The following CPLANE1 variants were observed in gnomAD, a reference collection of about 807,000 sequenced individuals.
The protein encoded by CPLANE1 is ciliogenesis and planar polarity effector complex subunit 1.
A neutral mutation model predicts 362.5 loss-of-function variants in CPLANE1; 263 were observed. The observed-to-expected ratio is 0.73, with a 90% CI of 0.66 to 0.80. The LOEUF (loss-of-function observed/expected upper bound fraction) is 0.80. Among genes scored for constraint, CPLANE1 ranks in the 30% least tolerant of loss-of-function variants. The probability of loss-of-function intolerance (pLI) is 0.00; values close to 1 mark genes in which losing one functional copy is unlikely to be tolerated. For missense variants in CPLANE1, 3,461 were observed against 3,793.4 expected (o/e 0.91, Z 2.30); for synonymous variants, 1,212 against 1,302.6 (o/e 0.93, Z 1.50).
chr5:37,081,833 C>G, the CPLANE1 span, among the ~76,000 whole-genome samples: 1 of 151,828 alleles, frequency 6.6e-6, no homozygotes, highest in Non-Finnish European at 1.5e-5. Flanking sequence ...AGAAAATACT[C>G]AAAATACTCA....
At chr5:37,092,236 T>C in the CPLANE1 span, among the ~76,000 whole-genome samples, 4 of 152,196 alleles carry the variant, frequency 2.6e-5, no homozygotes, top group Non-Finnish European at 5.9e-5. Context: ...TGGCATACAT[T>C]GGACTAAGGT....
At chr5:37,085,552 G>A in the CPLANE1 span, 6 of 826,078 alleles carry the variant, frequency 7.3e-6, no homozygotes, top group Non-Finnish European at 1.3e-5. Flanking sequence ...TTGGAGACTG[G>A]CAAGATTACT....
Position 37,206,216 on chromosome 5 carries a change from G to T in CPLANE1, c.3130C>A (p.Arg1044Ser). ...IGVAFQLFCK[R>S]DSNFMRSKKK... ...CCATACCTCATGAAATTGCTATCAC[G>T]TTTACAGAACAGCTGGAAAGCCACA... Residue 1044 changes from arginine (R) to serine (S), a missense_variant, in exon 17 of 53, where the codon CGT becomes AGT. This residue lies in a region of CPLANE1 where 3,380 missense variants were observed against 3,666.1 expected (regional missense o/e 0.92). Coordinates refer to ENST00000651892, the MANE Select transcript of CPLANE1 (RefSeq NM_001384732.1). The T allele has an allele frequency of 1.9e-6, 3 of 1,551,344 alleles. No homozygotes were observed. Among genetic ancestry groups the T allele is most frequent in the Non-Finnish European group, 2.6e-6 (3 of 1,146,578 alleles).
chr5:37,134,701 T>C lies in CPLANE1; in HGVS notation c.8792+4019A>G, dbSNP rs1009139183. Reference sequence around the variant, plus strand: ...GCTAGCTCTGGGGTTAATTTGTTCTTGTTTTTCTAGTTCCTCTAGGCGTGA... The same window carrying C: ...GCTAGCTCTGGGGTTAATTTGTTCTCGTTTTTCTAGTTCCTCTAGGCGTGA... On this transcript the variant is annotated intron_variant, in intron 46 of 52. Transcript: ENST00000651892. Among the ~76,000 whole-genome samples the C allele has an allele frequency of 2.0e-5, 3 of 152,320 alleles. No individual in the cohort carries two copies. In the East Asian group the frequency reaches 5.8e-4, roughly 29 times the overall value.
At chr5:37,217,567 A>G (rs2150311854) in intron 15 of CPLANE1, among the ~76,000 whole-genome samples, 1 of 151,834 alleles carries the variant, frequency 6.6e-6, no homozygotes, top group Non-Finnish European at 1.5e-5. Flanking sequence ...AGACTGCGCC[A>G]TTGCACTCCA....
intron 48 of CPLANE1, 147 bp downstream of exon 48, chr5:37,122,283 T>A: frequency 1.5e-6 from 1 of 678,710 alleles, no homozygotes; most frequent in Non-Finnish European, 2.6e-6. Flanking sequence ...GTGAGTCTCA[T>A]CATTTTCCTT....
intron 15 of CPLANE1, among the ~76,000 whole-genome samples, chr5:37,213,942 G>A (rs1033362807): frequency 1.8e-4 from 27 of 151,914 alleles, no homozygotes; most frequent in Non-Finnish European, 1.3e-4. Flanking sequence ...TGAACTTCAC[G>A]GGTTTGAACT....
At chr5:37,100,211 A>C in the CPLANE1 span, among the ~76,000 whole-genome samples, 1 of 152,156 alleles carries the variant, frequency 6.6e-6, no homozygotes, top group Non-Finnish European at 1.5e-5. Context: ...GGTACTGCCT[A>C]GATTTTCTTC....
intron 8 of CPLANE1, among the ~76,000 whole-genome samples, chr5:37,235,611 C>G (rs1798806077): frequency 7.9e-6 from 1 of 127,328 alleles, no homozygotes; most frequent in Admixed American, 9.9e-5. Flanking sequence ...CTCGTTCTGT[C>G]ACCCAGGCTG....
At chr5:37,094,011 G>T in the CPLANE1 span, among the ~76,000 whole-genome samples, 70,300 of 148,100 alleles carry the variant, frequency 0.47, 18,510 homozygotes, top group African/African-American at 0.75. Flanking sequence ...GGGAGGGGTG[G>T]AGCGCTGGCA....
intron 27 of CPLANE1, 99 bp downstream of exon 27, chr5:37,180,758 C>A (rs931558133): frequency 4.4e-6 from 5 of 1,149,008 alleles, no homozygotes; most frequent in Middle Eastern, 2.0e-4. Context: ...AAAAAATGCT[C>A]ATTCCTTTAA....
intron 6 of CPLANE1, among the ~76,000 whole-genome samples, chr5:37,241,577 T>C (rs1391794493): frequency 6.6e-6 from 1 of 152,218 alleles, no homozygotes; most frequent in Non-Finnish European, 1.5e-5. Flanking sequence ...AACAATTGTA[T>C]ATATTTTTCA....
intron 46 of CPLANE1, among the ~76,000 whole-genome samples, chr5:37,127,515 ATTTT>A (rs556523898): frequency 1.5e-5 from 2 of 133,996 alleles, no homozygotes; most frequent in African/African-American, 2.8e-5. Flanking sequence ...TTTTTATTTA[ATTTT>A]TTTTTTTTTT....
At chr5:37,224,987 G>A (rs544273779) in intron 12 of CPLANE1, among the ~76,000 whole-genome samples, 10 of 126,222 alleles carry the variant, frequency 7.9e-5, no homozygotes, top group South Asian at 4.9e-4. Flanking sequence ...GTCTCACTAC[G>A]TTGCCCAGAC....
intron 25 of CPLANE1, 39 bp downstream of exon 25, chr5:37,184,749 A>C: frequency 6.4e-7 from 1 of 1,553,010 alleles, no homozygotes; most frequent in Non-Finnish European, 8.7e-7. Context: ...TACTTTTCAA[A>C]GGAAGTGAAT....
rs766961442 is a variant in CPLANE1, at chr5:37,244,466, C to T, written c.479G>A (p.Arg160Gln). The T allele has an allele frequency of 1.7e-5, 27 of 1,551,262 alleles. No homozygotes were observed. The highest frequency in any genetic ancestry group is 1.3e-4 in the South Asian group (11 of 84,032). Residue 160 changes from arginine to glutamine, a missense_variant, in exon 5 of 53, where the codon CGG (arginine) becomes CAG (glutamine). Arg to Gln is a conservative substitution (Grantham distance 43). Transcript: ENST00000651892. ...TTCTTCAGGTATGACCTGGGACCAC[C>T]GACCCGCCAATGAAAGGCTTTTAGA... ...LSSKSLSLAG[R>Q]WSQVIPEEAV... is the part of the protein sequence containing the mutation.
At chr5:37,219,537 G>GAA (rs201991640) in intron 15 of CPLANE1, among the ~76,000 whole-genome samples, 1 of 148,568 alleles carries the variant, frequency 6.7e-6, no homozygotes, top group African/African-American at 2.5e-5. Context: ...CAAAAAAAAA[G>GAA]AAAAAAAAAA....
chr5:37,149,399 T>C (rs1199711024), intron 42 of CPLANE1, among the ~76,000 whole-genome samples: 1 of 152,212 alleles, frequency 6.6e-6, no homozygotes, highest in Non-Finnish European at 1.5e-5. Flanking sequence ...ATGTTAACTA[T>C]TAATAGTTGT....
Position 37,168,865 on chromosome 5 carries a change from T to G in CPLANE1, c.7159A>C (p.Ile2387Leu). The stretch of plus-strand genomic sequence containing the variant: ...TTTCTTTCTTCTGCTATAGGTTGGA[T>G]AGGTGTTGAGGGAACTGTAATAGAT... ...RASITVPSTPIQPIAEERKYP... is the reference protein window; with the variant it reads ...RASITVPSTPLQPIAEERKYP... Residue 2387 changes from isoleucine to leucine, a missense_variant, in exon 34 of 53, where the codon ATC becomes CTC. Transcript: ENST00000651892. 1 of 1,614,070 alleles carries G rather than the reference T, an allele frequency of 6.2e-7. No homozygotes were observed. The highest frequency in any genetic ancestry group is 8.5e-7 in the Non-Finnish European group (1 of 1,179,932).
Sources: allele counts gnomAD v4.1 joint callset (sites outside exome capture counted in the v4.1 genomes callset), GRCh38; gene constraint gnomAD v4.1.1; regional missense constraint gnomAD v4.1.1; transcripts MANE v1.5; gene names NCBI Gene and HGNC (gene_info 2026-07-23, HGNC 2026-07-21).